ATXN10: variants seen among roughly 807,000 people sequenced by gnomAD.
ATXN10 encodes ataxin 10, also known as ataxin-10.
A neutral mutation model predicts 52.9 loss-of-function variants in ATXN10; 28 were observed. The ratio of observed to expected loss-of-function variants is 0.53; its 90% confidence interval spans 0.39 to 0.73. The LOEUF (loss-of-function observed/expected upper bound fraction) is 0.73, where lower values mean the gene tolerates loss of function less well. ATXN10 is among the 30% of genes least tolerant of loss of function. ATXN10 has a pLI of 0.00. For synonymous variants in ATXN10, 226 were observed against 221.5 expected (o/e 1.02, Z -0.18); for missense variants, 565 against 577.0 (o/e 0.98, Z 0.21).
At chr22:45,713,479 C>T (rs1158976678) in intron 5 of ATXN10, among the ~76,000 whole-genome samples, 4 of 152,102 alleles carry the variant, frequency 2.6e-5, no homozygotes, top group South Asian at 2.1e-4. Flanking sequence ...GTTCCTTAGG[C>T]GAACTTACAG....
chr22:45,831,897 A>G (rs1447520217), intron 10 of ATXN10, among the ~76,000 whole-genome samples: 12 of 152,194 alleles, frequency 7.9e-5, no homozygotes. Context: ...CACTGTACCC[A>G]TGGCTCTCAG....
At chr22:45,747,967 G>C (rs1925799890) in intron 9 of ATXN10, among the ~76,000 whole-genome samples, 1 of 152,056 alleles carries the variant, frequency 6.6e-6, no homozygotes, top group Non-Finnish European at 1.5e-5. Flanking sequence ...GTGGGGCCAA[G>C]GCAGGAGGAT....
At chr22:45,695,140 C>T (rs192224044) in intron 3 of ATXN10, among the ~76,000 whole-genome samples, 3 of 151,072 alleles carry the variant, frequency 2.0e-5, no homozygotes, top group South Asian at 2.1e-4. Context: ...CTGGCTAACA[C>T]GGTGAAACCC....
chr22:45,776,392 A>G (rs1926955919), intron 9 of ATXN10, among the ~76,000 whole-genome samples: 3 of 152,114 alleles, frequency 2.0e-5, no homozygotes, highest in Admixed American at 1.3e-4. Context: ...CGTGACATGG[A>G]TATTTTGTCT....
chr22:45,681,934 C>T lies in ATXN10; in HGVS notation c.117-7778C>T, dbSNP rs1333637465. On this transcript the variant is annotated intron_variant, in intron 1 of 11. Transcript: ENST00000252934. The surrounding 1 kb of genome is among the most constrained non-coding windows in gnomAD (Gnocchi z 4.2). Reference sequence around the variant, plus strand: ...ACCCTCTCTGCCCACCTACTTGTATCTGTGCCCGTAGCCTGCCTTTGCTTC... The same window carrying T: ...ACCCTCTCTGCCCACCTACTTGTATTTGTGCCCGTAGCCTGCCTTTGCTTC... Among the ~76,000 whole-genome samples, 1 of 152,222 alleles carries T rather than the reference C, an allele frequency of 6.6e-6. No homozygotes were observed. The highest frequency in any genetic ancestry group is 1.5e-5 in the Non-Finnish European group (1 of 68,044).
Position 45,727,331 on chromosome 22 carries a change from A to ATCTATC in ATXN10, c.729-2093_729-2092insCTATCT, listed in dbSNP as rs1555890579. Among the ~76,000 whole-genome samples, 28 of 146,794 alleles carry ATCTATC rather than the reference A, an allele frequency of 1.9e-4. No individual in the cohort carries two copies. Among genetic ancestry groups the ATCTATC allele is most frequent in the East Asian group, 6.1e-4 (3 of 4,916 alleles). On this transcript the variant is annotated intron_variant, in intron 6 of 11. Coordinates refer to ENST00000252934, the MANE Select transcript of ATXN10 (RefSeq NM_013236.4). This position sits in a 1 kb window ranked among gnomAD's most constrained non-coding sequence, Gnocchi z 4.6. Reference sequence around the variant, plus strand: ...GTTCTGTCTGTCTGTCTATCTATCTATATCTATCTATCTATCTATCTATCT... The same window carrying ATCTATC: ...GTTCTGTCTGTCTGTCTATCTATCTATCTATCTATCTATCTATCTATCTATCTATCT...
chr22:45,719,853 G>A (rs1206905286), intron 6 of ATXN10, among the ~76,000 whole-genome samples: 7 of 151,896 alleles, frequency 4.6e-5, no homozygotes, highest in East Asian at 1.9e-4. Flanking sequence ...TTCATTCATC[G>A]TGTTGTGTCA....
rs568838249 is a variant in ATXN10, at chr22:45,688,372, A to G, written c.117-1340A>G. 1.1e-3 allele frequency among the ~76,000 whole-genome samples: 168 copies of G among 152,266 alleles called. No individual in the cohort carries two copies. The highest frequency in any genetic ancestry group is 6.8e-3 in the Middle Eastern group (2 of 294). On this transcript the variant is annotated intron_variant, in intron 1 of 11. Coordinates refer to ENST00000252934, the MANE Select transcript of ATXN10 (RefSeq NM_013236.4). This position sits in a 1 kb window ranked among gnomAD's most constrained non-coding sequence, Gnocchi z 4.0. ...TAAAAAATAAATACGAGAAAAAGAT[A>G]AGGGGGGAAATTAGGGGTAGTGGAA... is the stretch of plus-strand genomic sequence containing the variant.
rs889793344 is a variant in ATXN10 at position 45,727,102 on chromosome 22, G to C, written c.729-2323G>C. On this transcript the variant is annotated intron_variant, in intron 6 of 11. Transcript: ENST00000252934. The surrounding 1 kb of genome is among the most constrained non-coding windows in gnomAD (Gnocchi z 4.6). Reference sequence around the variant, plus strand: ...CTTTCCTTTTAGCACTGCTTTTGCTGTATCCCAGAAGTTTTGATAAATTAT... The same window carrying C: ...CTTTCCTTTTAGCACTGCTTTTGCTCTATCCCAGAAGTTTTGATAAATTAT... 2.0e-5 allele frequency among the ~76,000 whole-genome samples: 3 copies of C among 152,114 alleles called. No homozygotes were observed. Among genetic ancestry groups the C allele is most frequent in the Non-Finnish European group, 4.4e-5 (3 of 68,008 alleles).
rs987728918 is a variant in ATXN10, at chr22:45,840,231, C to T, written c.1238-2760C>T. Among the ~76,000 whole-genome samples the T allele has an allele frequency of 5.3e-5, 8 of 152,112 alleles. No individual in the cohort carries two copies. Among genetic ancestry groups the T allele is most frequent in the African/African-American group, 1.7e-4 (7 of 41,416 alleles). On this transcript the variant is annotated intron_variant, in intron 10 of 11. Transcript: ENST00000252934. This position sits in a 1 kb window ranked among gnomAD's most constrained non-coding sequence, Gnocchi z 5.8. Reference sequence around the variant, plus strand: ...TCCACTTTGTGCTGGGAACGAGACTCGGTGCTAGGATATCGAAGTCAATTA... The same window carrying T: ...TCCACTTTGTGCTGGGAACGAGACTTGGTGCTAGGATATCGAAGTCAATTA...
intron 9 of ATXN10, among the ~76,000 whole-genome samples, chr22:45,741,831 C>T (rs1234660014): frequency 6.6e-6 from 1 of 152,128 alleles, no homozygotes; most frequent in Non-Finnish European, 1.5e-5. Context: ...CACAAACGGG[C>T]AGATTCTGGA....
At chr22:45,778,184 G>C (rs1381992708) in intron 9 of ATXN10, among the ~76,000 whole-genome samples, 1 of 152,188 alleles carries the variant, frequency 6.6e-6, no homozygotes, top group East Asian at 1.9e-4. Context: ...AATCCCAGCT[G>C]TGTTATGCAA....
At chr22:45,716,338 T>G (rs1477833451) in intron 5 of ATXN10, among the ~76,000 whole-genome samples, 1 of 151,062 alleles carries the variant, frequency 6.6e-6, no homozygotes, top group African/African-American at 2.4e-5. Flanking sequence ...TTTTTTTTTT[T>G]TTTTTGGAGA....
rs1187336359 is a variant in ATXN10, at chr22:45,781,039, AG to A, written c.1174-25918del. ...AATGGGTGCAGACCAGAAAGCCCTG[AG>A]GAAAGCTCACTCTTTCTCCCTAAAG... On this transcript the variant is annotated intron_variant, in intron 9 of 11. Transcript: ENST00000252934. This position sits in a 1 kb window ranked among gnomAD's most constrained non-coding sequence, Gnocchi z 4.2. 6.6e-6 allele frequency among the ~76,000 whole-genome samples: 1 copy of A among 152,232 alleles called. No individual in the cohort carries two copies. The highest frequency in any genetic ancestry group is 2.4e-5 in the African/African-American group (1 of 41,454).
intron 9 of ATXN10, among the ~76,000 whole-genome samples, chr22:45,785,109 G>A (rs747693962): frequency 6.6e-6 from 1 of 152,200 alleles, no homozygotes; most frequent in Non-Finnish European, 1.5e-5. Context: ...CAGCTTTTCA[G>A]AGCTGCTTTG....
rs2146914099 is a variant in ATXN10, at chr22:45,835,246, G to A, written c.1238-7745G>A. Reference sequence around the variant, plus strand: ...CATGGGTCCTGCTTTGCCTGGCGTGGGCTCATGGGTCCTGCTTTGCCTGGC... The same window carrying A: ...CATGGGTCCTGCTTTGCCTGGCGTGAGCTCATGGGTCCTGCTTTGCCTGGC... On this transcript the variant is annotated intron_variant, in intron 10 of 11. Transcript: ENST00000252934. This position sits in a 1 kb window ranked among gnomAD's most constrained non-coding sequence, Gnocchi z 5.0. 6.6e-6 allele frequency among the ~76,000 whole-genome samples: 1 copy of A among 152,264 alleles called. No homozygotes were observed. Among genetic ancestry groups the A allele is most frequent in the East Asian group, 1.9e-4 (1 of 5,172 alleles).
Position 45,841,862 on chromosome 22 carries a change from T to A in ATXN10, c.1238-1129T>A, listed in dbSNP as rs548681835. On this transcript the variant is annotated intron_variant, in intron 10 of 11. Transcript: ENST00000252934. The surrounding 1 kb of genome is among the most constrained non-coding windows in gnomAD (Gnocchi z 5.1). ...GGTCCACAGCGTTGCACAGGGGTGT[T>A]CAGGACAAGATCAGAAGACTTGGCT... 6.6e-6 allele frequency among the ~76,000 whole-genome samples: 1 copy of A among 152,260 alleles called. No homozygotes were observed. Among genetic ancestry groups the A allele is most frequent in the South Asian group, 2.1e-4 (1 of 4,816 alleles).
rs1926323979 is a variant in ATXN10, at chr22:45,760,000, T to C, written c.1173+19462T>C. ...GCCAGGAGAGCATGGGGCAGGGGAA[T>C]GATGGCCCTAAGAAAGGAAGGAGGA... On this transcript the variant is annotated intron_variant, in intron 9 of 11. Transcript: ENST00000252934. This position sits in a 1 kb window ranked among gnomAD's most constrained non-coding sequence, Gnocchi z 5.4. 6.6e-6 allele frequency among the ~76,000 whole-genome samples: 1 copy of C among 152,178 alleles called. No individual in the cohort carries two copies.
rs1013534479 is a variant in ATXN10, at chr22:45,684,483, G to T, written c.117-5229G>T. On this transcript the variant is annotated intron_variant, in intron 1 of 11. Coordinates refer to ENST00000252934, the MANE Select transcript of ATXN10 (RefSeq NM_013236.4). The surrounding 1 kb of genome is among the most constrained non-coding windows in gnomAD (Gnocchi z 4.1). ...GAATGGTTTTTTACGTTTCTAAATG[G>T]TTGGGGAGATGATAAAGTTTCATGA... 3.3e-5 allele frequency among the ~76,000 whole-genome samples: 5 copies of T among 152,086 alleles called. No homozygotes were observed. Among genetic ancestry groups the T allele is most frequent in the African/African-American group, 1.2e-4 (5 of 41,410 alleles).
Sources: allele counts gnomAD v4.1 joint callset (sites outside exome capture counted in the v4.1 genomes callset), GRCh38; gene constraint gnomAD v4.1.1; non-coding constraint Gnocchi (gnomAD v3.1); transcripts MANE v1.5; gene names NCBI Gene and HGNC (gene_info 2026-07-23, HGNC 2026-07-21).